SGSM3: variants seen among roughly 807,000 people sequenced by gnomAD.
SGSM3 encodes the protein RUN and SH3 containing 3.
SGSM3 carries 96 observed loss-of-function variants against 100.5 expected under a neutral mutation model. That is an observed-to-expected ratio of 0.96 (90% CI 0.81 to 1.13). SGSM3 has a LOEUF of 1.13. Ranked by LOEUF, SGSM3 falls within the 50% of genes most tolerant of loss-of-function variation. The probability of loss-of-function intolerance (pLI) is 0.00; values close to 1 mark genes in which losing one functional copy is unlikely to be tolerated. For missense variants in SGSM3, 1,001 were observed against 1,015.8 expected (o/e 0.99, Z 0.20); for synonymous variants, 483 against 422.8 (o/e 1.14, Z -1.75).
At chr22:40,377,416 T>G (rs1431342312) in intron 1 of SGSM3, among the ~76,000 whole-genome samples, 1 of 152,256 alleles carries the variant, frequency 6.6e-6, no homozygotes, top group Non-Finnish European at 1.5e-5. Flanking sequence ...TCCTTGGTTT[T>G]ATGTCCTACT....
chr22:40,406,025 G>A, intron 8 of SGSM3, 53 bp from the exon 9 acceptor site: 2 of 1,594,826 alleles, frequency 1.3e-6, no homozygotes, highest in Non-Finnish European at 1.7e-6. Context: ...CAGTTCCGGG[G>A]AGGGAGGTTT....
chr22:40,409,849 C>G lies in SGSM3; in HGVS notation c.*90C>G. 2.0e-6 allele frequency: 3 copies of G among 1,518,698 alleles called. No individual in the cohort carries two copies. Among genetic ancestry groups the G allele is most frequent in the Non-Finnish European group, 2.6e-6 (3 of 1,141,350 alleles). 94.1% of individuals were successfully genotyped at this position (1,518,698 alleles called of 1,614,324 possible). A position where few individuals can be genotyped will look rare whatever the true frequency, so the allele number is the denominator to read the frequency against. Reference sequence around the variant, plus strand: ...GCCCAGGGAAGAGCAGCTCCAGAGCCCTGGCCGGGGCCGCGGGATATCAAT... The same window carrying G: ...GCCCAGGGAAGAGCAGCTCCAGAGCGCTGGCCGGGGCCGCGGGATATCAAT... On this transcript the variant is annotated 3_prime_UTR_variant, in exon 22 of 22. Transcript: ENST00000248929.
At chr22:40,399,580 A>G (rs1436447920) in intron 1 of SGSM3, among the ~76,000 whole-genome samples, 1 of 152,264 alleles carries the variant, frequency 6.6e-6, no homozygotes, top group African/African-American at 2.4e-5. Flanking sequence ...AATGTGTTGT[A>G]AGGATTGAAT....
chr22:40,392,064 T>G (rs2049417316), intron 1 of SGSM3, among the ~76,000 whole-genome samples: 1 of 152,232 alleles, frequency 6.6e-6, no homozygotes, highest in South Asian at 2.1e-4. Flanking sequence ...TTTAGTGGCT[T>G]TTGCTTTTGG....
intron 1 of SGSM3, among the ~76,000 whole-genome samples, chr22:40,391,767 G>C (rs1601917958): frequency 2.0e-5 from 3 of 152,156 alleles, no homozygotes; most frequent in African/African-American, 7.2e-5. Flanking sequence ...TTGTCATTTT[G>C]TTTGCATCTT....
rs145655121 is a variant in SGSM3 at position 40,398,952 on chromosome 22, C to T, written c.-111-1744C>T. Among the ~76,000 whole-genome samples, 207 of 139,326 alleles carry T rather than the reference C, an allele frequency of 1.5e-3. 38 individuals are homozygous for T. In the East Asian group the frequency reaches 0.039, roughly 27 times the overall value. 91.4% of individuals were successfully genotyped at this position (139,326 alleles called of 152,430 possible). On this transcript the variant is annotated intron_variant, in intron 1 of 21. Transcript: ENST00000248929. ...GTGGGCACAGGCCCACTCTGCTACACGAGTAGCAGAGCTAGGATTGGACTG... is the reference window on the plus strand; with the variant it reads ...GTGGGCACAGGCCCACTCTGCTACATGAGTAGCAGAGCTAGGATTGGACTG...
intron 4 of SGSM3, among the ~76,000 whole-genome samples, 187 bp downstream of exon 4, chr22:40,402,392 AATTTTACTG>A (rs1383809587): frequency 6.6e-6 from 1 of 152,048 alleles, no homozygotes; most frequent in Non-Finnish European, 1.5e-5. Context: ...TTTTGAGATA[AATTTTACTG>A]ATCCTCACCT....
intron 1 of SGSM3, among the ~76,000 whole-genome samples, chr22:40,396,989 T>C (rs2050132449): frequency 6.6e-6 from 1 of 152,242 alleles, no homozygotes; most frequent in Non-Finnish European, 1.5e-5. Context: ...AAATCAATCC[T>C]GTTTTTCAAC....
At chr22:40,409,550 C>T in intron 21 of SGSM3, 25 bp downstream of exon 21, 1 of 1,611,928 alleles carries the variant, frequency 6.2e-7, no homozygotes, top group Non-Finnish European at 8.5e-7. Context: ...CCTCGTAGGG[C>T]CTGCACTGAT....
chr22:40,395,392 G>C (rs1310263872), intron 1 of SGSM3, among the ~76,000 whole-genome samples: 1 of 151,198 alleles, frequency 6.6e-6, no homozygotes, highest in Non-Finnish European at 1.5e-5. Context: ...CACGATCTCA[G>C]CTCACCGCAA....
rs1164922058 is a variant in SGSM3, at chr22:40,404,333, G to A, written c.244G>A (p.Glu82Lys). 6.3e-7 allele frequency: 1 copy of A among 1,593,220 alleles called. No homozygotes were observed. ...GAGGCTGCGGTGGCAGGCCCACCTG[G>A]AGTTCACCCATAACCACGATGTGGG... ...PQRLRWQAHL[E>K]FTHNHDVGDL... Residue 82 changes from glutamate to lysine, a missense_variant, in exon 5 of 22, where the codon GAG becomes AAG. Glu to Lys is a moderately conservative substitution (Grantham distance 56). Coordinates refer to ENST00000248929, the MANE Select transcript of SGSM3 (RefSeq NM_015705.6).
chr22:40,380,156 C>G (rs1031612074), intron 1 of SGSM3, among the ~76,000 whole-genome samples: 58 of 152,142 alleles, frequency 3.8e-4, no homozygotes, highest in African/African-American at 1.4e-3. Flanking sequence ...GAAGTGCTGT[C>G]CAAGAGAACT....
intron 1 of SGSM3, among the ~76,000 whole-genome samples, chr22:40,374,721 A>T (rs2046263537): frequency 6.6e-6 from 1 of 152,210 alleles, no homozygotes; most frequent in African/African-American, 2.4e-5. Context: ...ATCTCGACCA[A>T]AAACATAAAA....
At chr22:40,372,220 G>C (rs1434295685) in intron 1 of SGSM3, among the ~76,000 whole-genome samples, 1 of 143,566 alleles carries the variant, frequency 7.0e-6, no homozygotes, top group Non-Finnish European at 1.5e-5. Flanking sequence ...TCTGCCTCCC[G>C]GGTTCACGCC....
chr22:40,407,781 C>G lies in SGSM3; in HGVS notation c.1525-8C>G, dbSNP rs770153472. The stretch of plus-strand genomic sequence containing the variant: ...GCTTTGGTTCCTGCTGTTTTTCCTC[C>G]TGTGCAGATCGTGTCTCAGAAGGAC... On this transcript the variant is annotated splice_region_variant and splice_polypyrimidine_tract_variant and intron_variant, in intron 13 of 21. Transcript: ENST00000248929. The surrounding 1 kb of genome is among the most constrained non-coding windows in gnomAD (Gnocchi z 4.7). 4 of 1,614,080 alleles carry G rather than the reference C, an allele frequency of 2.5e-6. No homozygotes were observed. The East Asian group carries it at 8.9e-5, about 36-fold the overall frequency.
In SGSM3 at chr22:40,405,124, C is replaced by T. The variant is rs371831899; in HGVS notation, c.475-17C>T. 1.0e-4 allele frequency: 151 copies of T among 1,485,222 alleles called. No homozygotes were observed. The highest frequency in any genetic ancestry group is 1.2e-4 in the Non-Finnish European group (139 of 1,115,332). The allele number at this position is 1,485,222 out of a possible 1,614,324, so 92.0% of individuals were successfully genotyped here. ...CACAAGGTCTTGTTATTGTGGGTGCCGATGGCTGCCTGACAGATCGAGAAG... is the reference window on the plus strand; with the variant it reads ...CACAAGGTCTTGTTATTGTGGGTGCTGATGGCTGCCTGACAGATCGAGAAG... On this transcript the variant is annotated splice_polypyrimidine_tract_variant and intron_variant, in intron 6 of 21. Coordinates refer to ENST00000248929, the MANE Select transcript of SGSM3 (RefSeq NM_015705.6).
chr22:40,373,657 C>G (rs1423190371), intron 1 of SGSM3: 1 of 152,220 alleles, frequency 6.6e-6, no homozygotes, highest in Non-Finnish European at 1.5e-5. Context: ...CACTCTGTCA[C>G]CAGGCTAGAG....
intron 10 of SGSM3, 177 bp from the exon 11 acceptor site, chr22:40,406,840 C>T: frequency 1.2e-6 from 1 of 866,464 alleles, no homozygotes. Context: ...CTTTGTGCAC[C>T]TCAGGTTCTG....
Position 40,408,681 on chromosome 22 carries a change from CTCTG to C in SGSM3, c.1839_1842del (p.Cys614ArgfsTer12). 1.2e-6 allele frequency: 2 copies of C among 1,614,058 alleles called. No individual in the cohort carries two copies. Among genetic ancestry groups the C allele is most frequent in the Non-Finnish European group, 1.7e-6 (2 of 1,180,018 alleles). ...TGCCTCCGTGTATTCCCGTCTGGTG[CTCTG>C]TAAGACCTTCAGGTAACTCGGCCCG... On this transcript the variant is annotated frameshift_variant, in exon 17 of 22. Transcript: ENST00000248929. LOFTEE classifies it high-confidence loss of function.
Sources: gnomAD v4.1 joint callset for allele counts (sites outside exome capture counted in the v4.1 genomes callset) on GRCh38, gnomAD v4.1.1 for gene constraint, Gnocchi (gnomAD v3.1) non-coding constraint, MANE v1.5 for transcripts, NCBI Gene and HGNC (gene_info 2026-07-23, HGNC 2026-07-21) for gene names.